Variants in NRG3 observed in about 807,000 individuals in gnomAD.
The protein encoded by NRG3 is pro-neuregulin-3, membrane-bound isoform.
NRG3 carries 31 observed loss-of-function variants against 66.9 expected under a neutral mutation model. The ratio of observed to expected loss-of-function variants is 0.46; its 90% CI spans 0.35 to 0.63. The LOEUF is 0.63. NRG3 is among the 20% of genes least tolerant of loss of function. The pLI is 0.00. For synonymous variants in NRG3, 393 were observed against 359.4 expected (o/e 1.09, Z -1.06); for missense variants, 910 against 878.9 (o/e 1.04, Z -0.45).
intron 1 of NRG3, among the ~76,000 whole-genome samples, chr10:82,281,870 T>G (rs1215252842): frequency 6.6e-6 from 1 of 152,218 alleles, no homozygotes; most frequent in Non-Finnish European, 1.5e-5. Context: ...CATTTTTACA[T>G]TATTCATTGA....
rs149470915 is a variant in NRG3, at chr10:82,199,192, G to GA, written c.824-159538dup. 6.8e-3 allele frequency among the ~76,000 whole-genome samples: 984 copies of GA among 144,356 alleles called. 49 individuals carry two copies. The East Asian group carries it at 0.14, about 20-fold the overall frequency. 94.7% of individuals were successfully genotyped at this position (144,356 alleles called of 152,430 possible). On this transcript the variant is annotated intron_variant, in intron 1 of 8. Transcript: ENST00000372141. ...GTCCGGAAAAAAAAAAAAAAGAAAA[G>GA]AAAAAAAAATAACTCAAGTAACAAT...
chr10:82,864,775 G>A (rs7907045), intron 3 of NRG3, among the ~76,000 whole-genome samples: 7,285 of 152,184 alleles, frequency 0.048, 234 homozygotes, highest in Middle Eastern at 0.099. Context: ...CTGTCAATTC[G>A]AATAGTCATG....
At chr10:82,444,956 C>A (rs1161497869) in intron 2 of NRG3, among the ~76,000 whole-genome samples, 1 of 152,100 alleles carries the variant, frequency 6.6e-6, no homozygotes, top group Admixed American at 6.5e-5. Context: ...AGAATAAATG[C>A]TATAACAGGC....
At chr10:82,038,015 A>G (rs2062868547) in intron 1 of NRG3, among the ~76,000 whole-genome samples, 1 of 152,058 alleles carries the variant, frequency 6.6e-6, no homozygotes, top group Admixed American at 6.6e-5. Flanking sequence ...GAAAGAATTC[A>G]AATCTCGGAA....
chr10:82,531,030 C>T (rs1220314200), intron 2 of NRG3, among the ~76,000 whole-genome samples: 4 of 151,608 alleles, frequency 2.6e-5, no homozygotes, highest in African/African-American at 7.3e-5. Flanking sequence ...TGGACTGAAA[C>T]ATTTGCATGT....
At chr10:82,783,823 C>T (rs1460982527) in intron 3 of NRG3, among the ~76,000 whole-genome samples, 2 of 152,150 alleles carry the variant, frequency 1.3e-5, no homozygotes, top group Non-Finnish European at 2.9e-5. Flanking sequence ...TATCAAGCTA[C>T]CAATGACTTT....
chr10:82,838,244 A>G (rs1031329165), intron 3 of NRG3, among the ~76,000 whole-genome samples: 1 of 152,184 alleles, frequency 6.6e-6, no homozygotes, highest in South Asian at 2.1e-4. Context: ...ATTATAAGTC[A>G]ACTCTGAAGG....
intron 1 of NRG3, among the ~76,000 whole-genome samples, chr10:81,930,902 C>G (rs1477094686): frequency 6.6e-6 from 1 of 152,154 alleles, no homozygotes; most frequent in Non-Finnish European, 1.5e-5. Context: ...CTGTCTGGAA[C>G]TGGTTCCAGC....
chr10:81,930,824 C>T (rs185403936), intron 1 of NRG3, among the ~76,000 whole-genome samples: 3 of 152,258 alleles, frequency 2.0e-5, no homozygotes, highest in Admixed American at 1.3e-4. Context: ...TGTAGCTCCT[C>T]CCAGCGTAGA....
chr10:82,233,238 A>G (rs1010456244), intron 1 of NRG3, among the ~76,000 whole-genome samples: 13 of 152,128 alleles, frequency 8.5e-5, no homozygotes, highest in African/African-American at 3.1e-4. Flanking sequence ...GGTGGTAGGC[A>G]CCTGTAGTCC....
intron 1 of NRG3, among the ~76,000 whole-genome samples, chr10:82,012,805 T>A (rs962152686): frequency 2.1e-4 from 32 of 152,188 alleles, no homozygotes; most frequent in African/African-American, 7.5e-4. Context: ...TTTGCTCCAA[T>A]TACCAAAAAG....
rs367950481 is a variant in NRG3 at position 82,873,597 on chromosome 10, A to T, written c.1054+8160A>T. On this transcript the variant is annotated intron_variant, in intron 4 of 8. Coordinates refer to ENST00000372141, the MANE Select transcript of NRG3 (RefSeq NM_001010848.4). ...AACAAATATCTAGCTACTGTGTGTG[A>T]AATGTATCTCATTAGGTCCTTTTGA... Among the ~76,000 whole-genome samples the T allele has an allele frequency of 7.9e-5, 12 of 152,330 alleles. No homozygotes were observed. In the South Asian group the frequency reaches 1.7e-3, roughly 21 times the overall value.
At chr10:82,238,698 A>G (rs912533455) in intron 1 of NRG3, among the ~76,000 whole-genome samples, 3 of 151,010 alleles carry the variant, frequency 2.0e-5, no homozygotes, top group African/African-American at 2.4e-5. Flanking sequence ...TGCATTTTTT[A>G]TTTACTTGAT....
rs57758871 is a variant in NRG3, at chr10:82,295,915, ACC to A, written c.824-62821_824-62820del. On this transcript the variant is annotated intron_variant, in intron 1 of 8. Coordinates refer to ENST00000372141, the MANE Select transcript of NRG3 (RefSeq NM_001010848.4). ...CCAAAAGTAAAAAAGGACAAAAAAA[ACC>A]CCTATTTTAGGGAGCTTTAAAAATT... Among the ~76,000 whole-genome samples, 712 of 152,210 alleles carry A rather than the reference ACC, an allele frequency of 4.7e-3. 6 individuals are homozygous for A. Among genetic ancestry groups the A allele is most frequent in the African/African-American group, 0.016 (681 of 41,536 alleles).
rs148578625 is a variant in NRG3, at chr10:81,963,424, C to T, written c.823+87261C>T. On this transcript the variant is annotated intron_variant, in intron 1 of 8. Coordinates refer to ENST00000372141, the MANE Select transcript of NRG3 (RefSeq NM_001010848.4). ...CTGGGATTACAGGCGTGAGCCACCGCGCCCGGCCCACGAGGGCTCTTTAGT... is the reference window on the plus strand; with the variant it reads ...CTGGGATTACAGGCGTGAGCCACCGTGCCCGGCCCACGAGGGCTCTTTAGT... Among the ~76,000 whole-genome samples, 890 of 147,740 alleles carry T rather than the reference C, an allele frequency of 6.0e-3. 7 individuals are homozygous for T. Among genetic ancestry groups the T allele is most frequent in the African/African-American group, 0.02 (819 of 40,054 alleles).
At position 82,682,485 on chromosome 10, in the gene NRG3, G is replaced by A. The variant is rs188949681; in HGVS notation, c.954-56092G>A. 2.2e-3 allele frequency among the ~76,000 whole-genome samples: 335 copies of A among 152,264 alleles called. 2 individuals carry two copies. The highest frequency in any genetic ancestry group is 5.8e-3 in the Admixed American group (89 of 15,288). ...TGTCTTTGTATTTATCTGGTGATGGGAAATCTTGAAGTTTGGAGTCAACCT... is the reference window on the plus strand; with the variant it reads ...TGTCTTTGTATTTATCTGGTGATGGAAAATCTTGAAGTTTGGAGTCAACCT... On this transcript the variant is annotated intron_variant, in intron 2 of 8. Transcript: ENST00000372141.
chr10:82,935,863 ACAT>A (rs1041246612), intron 4 of NRG3, among the ~76,000 whole-genome samples: 2 of 150,112 alleles, frequency 1.3e-5, no homozygotes, highest in African/African-American at 5.0e-5. Context: ...GAATCTTATA[ACAT>A]AATACTGAGC....
At chr10:82,607,127 A>G (rs2048017032) in intron 2 of NRG3, among the ~76,000 whole-genome samples, 1 of 152,204 alleles carries the variant, frequency 6.6e-6, no homozygotes, top group South Asian at 2.1e-4. Flanking sequence ...GAGAAATCAA[A>G]TCTGGAGGTC....
At chr10:81,988,983 C>A (rs975938715) in intron 1 of NRG3, among the ~76,000 whole-genome samples, 1 of 151,264 alleles carries the variant, frequency 6.6e-6, no homozygotes, top group African/African-American at 2.4e-5. Flanking sequence ...GTTGAAGTAA[C>A]GCAAGTGAGG....
Sources: allele counts gnomAD v4.1 joint callset (sites outside exome capture counted in the v4.1 genomes callset), GRCh38; gene constraint gnomAD v4.1.1; transcripts MANE v1.5; gene names NCBI Gene and HGNC (gene_info 2026-07-23, HGNC 2026-07-21).